SMARCC1: variants seen among roughly 807,000 people sequenced by gnomAD.
SMARCC1 encodes the protein SWI/SNF complex subunit SMARCC1.
In SMARCC1, 43 loss-of-function variants were observed where a neutral mutation model predicts 147.4. The ratio of observed to expected loss-of-function variants is 0.29; its 90% CI spans 0.23 to 0.38. The LOEUF (loss-of-function observed/expected upper bound fraction) is 0.38, where lower values mean the gene tolerates loss of function less well. Ranked by LOEUF, SMARCC1 falls within the 10% of genes least tolerant of loss-of-function variation. The pLI, the probability that SMARCC1 is intolerant of heterozygous loss-of-function variation, is 1.00. For missense variants in SMARCC1, 1,119 were observed against 1,381.1 expected, an observed-to-expected ratio of 0.81 and a Z score of 3.01; for synonymous variants, 495 against 484.4, an observed-to-expected ratio of 1.02 and a Z score of -0.29.
intron 13 of SMARCC1, among the ~76,000 whole-genome samples, chr3:47,688,768 G>A (rs2033759270): frequency 6.6e-6 from 1 of 152,160 alleles, no homozygotes; most frequent in Non-Finnish European, 1.5e-5. Flanking sequence ...CTGCTCATCT[G>A]CACTGTCGGA....
At chr3:47,704,571 T>C (rs1163518160) in intron 10 of SMARCC1, among the ~76,000 whole-genome samples, 2 of 152,090 alleles carry the variant, frequency 1.3e-5, no homozygotes, top group Non-Finnish European at 2.9e-5. Context: ...CCTGCAAAGA[T>C]CTCATGTAGT....
chr3:47,752,936 C>T (rs1242044367), intron 2 of SMARCC1, among the ~76,000 whole-genome samples: 2 of 152,148 alleles, frequency 1.3e-5, no homozygotes, highest in African/African-American at 4.8e-5. Flanking sequence ...ATAAACAATT[C>T]TATCCCTGGC....
intron 21 of SMARCC1, among the ~76,000 whole-genome samples, chr3:47,654,164 C>T (rs1430000399): frequency 6.6e-6 from 1 of 152,258 alleles, no homozygotes; most frequent in South Asian, 2.1e-4. Flanking sequence ...ACACAAATCT[C>T]ACTGAATCAA....
At chr3:47,593,606 C>G (rs562679718) in intron 26 of SMARCC1, among the ~76,000 whole-genome samples, 1 of 152,264 alleles carries the variant, frequency 6.6e-6, no homozygotes, top group East Asian at 1.9e-4. Context: ...GGTTAGAAGA[C>G]AGTACTGAGA....
chr3:47,715,001 C>CA (rs1323571787), intron 7 of SMARCC1, among the ~76,000 whole-genome samples: 4 of 152,018 alleles, frequency 2.6e-5, no homozygotes, highest in Non-Finnish European at 5.9e-5. Flanking sequence ...AAGCATTTCC[C>CA]TCACTTGGCC....
chr3:47,771,556 A>G (rs1017863919), intron 2 of SMARCC1, among the ~76,000 whole-genome samples: 3 of 151,928 alleles, frequency 2.0e-5, no homozygotes, highest in Non-Finnish European at 4.4e-5. Flanking sequence ...CGGGGCCAAC[A>G]CAGTGAAACC....
rs1156588672 is a variant in SMARCC1 at position 47,733,854 on chromosome 3, ACT to A, written c.576+2178_576+2179del. Among the ~76,000 whole-genome samples the A allele has an allele frequency of 2.7e-5, 3 of 109,644 alleles. No individual in the cohort carries two copies. In the Admixed American group the frequency reaches 3.5e-4, roughly 13 times the overall value. 71.9% of individuals were successfully genotyped at this position (109,644 alleles called of 152,430 possible). A position where few individuals can be genotyped will look rare whatever the true frequency, so the allele number is the denominator to read the frequency against. ...ACTCCAGCCTGGGCGACACAGCGAG[ACT>A]CTGTCTCAAAAAAAAAAAAAAAAAA... On this transcript the variant is annotated intron_variant, in intron 5 of 27. Coordinates refer to ENST00000254480, the MANE Select transcript of SMARCC1 (RefSeq NM_003074.4).
chr3:47,777,423 T>G (rs2034989308), intron 1 of SMARCC1, among the ~76,000 whole-genome samples: 2 of 151,750 alleles, frequency 1.3e-5, no homozygotes, highest in African/African-American at 4.8e-5. Context: ...CCGGGTGCAG[T>G]GGCTCATGAC....
At chr3:47,700,153 T>C (rs2033899292) in intron 11 of SMARCC1, among the ~76,000 whole-genome samples, 1 of 152,052 alleles carries the variant, frequency 6.6e-6, no homozygotes, top group Admixed American at 6.6e-5. Context: ...ATTCCTCCTG[T>C]TATTTCATTT....
At chr3:47,614,961 C>T (rs1489351266) in intron 25 of SMARCC1, among the ~76,000 whole-genome samples, 1 of 152,212 alleles carries the variant, frequency 6.6e-6, no homozygotes, top group African/African-American at 2.4e-5. Flanking sequence ...CACCCACCTA[C>T]TCCCTTGTCT....
chr3:47,772,691 T>G, intron 2 of SMARCC1, 126 bp downstream of exon 2: 1 of 841,228 alleles, frequency 1.2e-6, no homozygotes, highest in Non-Finnish European at 1.8e-6. Context: ...ATAACTAAAA[T>G]TTGTTTTTTG....
intron 2 of SMARCC1, among the ~76,000 whole-genome samples, chr3:47,760,925 T>C (rs554806916): frequency 1.3e-4 from 19 of 151,242 alleles, no homozygotes; most frequent in African/African-American, 4.1e-4. Context: ...TTGAGGTCAG[T>C]AGTTCGAGAC....
intron 25 of SMARCC1, among the ~76,000 whole-genome samples, chr3:47,616,430 T>C (rs2032646667): frequency 6.6e-6 from 1 of 152,172 alleles, no homozygotes; most frequent in Non-Finnish European, 1.5e-5. Context: ...GCTGAGTTCA[T>C]GATACCCATA....
intron 24 of SMARCC1, among the ~76,000 whole-genome samples, chr3:47,628,705 C>T (rs553829694): frequency 5.5e-4 from 84 of 152,306 alleles, no homozygotes; most frequent in African/African-American, 2.0e-3. Context: ...ACTGGGCCTA[C>T]AGGCACGTGC....
At position 47,587,959 on chromosome 3, in the gene SMARCC1, A is replaced by G. The variant is rs1245859260; in HGVS notation, c.*250T>C. The G allele has an allele frequency of 2.0e-6, 1 of 501,374 alleles. No individual in the cohort carries two copies. The highest frequency in any genetic ancestry group is 3.8e-5 in the East Asian group (1 of 26,510). 31.1% of individuals were successfully genotyped at this position (501,374 alleles called of 1,614,324 possible). The stretch of plus-strand genomic sequence containing the variant: ...TTACTCCCACACCAGGACAGGGGAG[A>G]TGCAGGTTATTTTAAGGATGACCAG... On this transcript the variant is annotated 3_prime_UTR_variant, in exon 28 of 28. Coordinates refer to ENST00000254480, the MANE Select transcript of SMARCC1 (RefSeq NM_003074.4).
chr3:47,675,454 A>C (rs769745980), intron 18 of SMARCC1, 21 bp downstream of exon 18: 14 of 1,172,296 alleles, frequency 1.2e-5, no homozygotes, highest in Non-Finnish European at 1.8e-5. Context: ...ATTGCAGCCC[A>C]TGTGTGATTA....
chr3:47,681,193 T>C (rs532220655), intron 14 of SMARCC1, among the ~76,000 whole-genome samples: 56 of 152,256 alleles, frequency 3.7e-4, no homozygotes, highest in African/African-American at 1.3e-3. Flanking sequence ...GGCAACAAAC[T>C]GATGAAACAA....
In SMARCC1 at chr3:47,662,462, G is replaced by A; in HGVS notation, c.2030C>T (p.Ser677Phe). The A allele has an allele frequency of 6.2e-7, 1 of 1,614,154 alleles. No homozygotes were observed. The highest frequency in any genetic ancestry group is 8.5e-7 in the Non-Finnish European group (1 of 1,180,032). The change falls in exon 20 of 28, where the codon TCC becomes TTC. Residue 677 changes from serine (S) to phenylalanine (F), a missense_variant. Ser to Phe is a radical substitution (Grantham distance 155). Around this residue, in one of 6 missense-constraint regions of SMARCC1, gnomAD observed 178 missense variants for 264.6 expected, o/e 0.67. Transcript: ENST00000254480. Reference protein sequence around the residue: ...EDPYLENSDASLGPLAYQPVP... With the variant: ...EDPYLENSDAFLGPLAYQPVP... ...AGGCTGGTAGGCCAAAGGCCCAAGG[G>A]AAGCATCTGAATTCTCAAGGTATGG...
At chr3:47,689,876 G>C (rs958995448) in intron 12 of SMARCC1, among the ~76,000 whole-genome samples, 1 of 152,142 alleles carries the variant, frequency 6.6e-6, no homozygotes, top group African/African-American at 2.4e-5. Flanking sequence ...TAGCATGAAA[G>C]AAAGCCCAGG....
Sources: allele counts gnomAD v4.1 joint callset (sites outside exome capture counted in the v4.1 genomes callset), GRCh38; gene constraint gnomAD v4.1.1; regional missense constraint gnomAD v4.1.1; transcripts MANE v1.5; gene names NCBI Gene and HGNC (gene_info 2026-07-23, HGNC 2026-07-21).